Variants in CHN1 observed in about 807,000 individuals in gnomAD.
The protein encoded by CHN1 is N-chimaerin.
In CHN1, 37 loss-of-function variants were observed where a neutral mutation model predicts 59.5. The observed-to-expected ratio is 0.62, with a 90% CI of 0.48 to 0.82. The LOEUF (loss-of-function observed/expected upper bound fraction) is 0.82. CHN1 is among the 40% of genes least tolerant of loss of function. The pLI, the probability that CHN1 is intolerant of heterozygous loss-of-function variation, is 0.00. For synonymous variants in CHN1, 206 were observed against 200.4 expected (o/e 1.03, Z -0.24); for missense variants, 469 against 571.0 (o/e 0.82, Z 1.82).
chr2:174,817,108 C>T (rs1685296003), intron 8 of CHN1, among the ~76,000 whole-genome samples: 2 of 152,210 alleles, frequency 1.3e-5, no homozygotes, highest in African/African-American at 2.4e-5. Flanking sequence ...GTATACCATA[C>T]ACTACATCAT....
intron 1 of CHN1, among the ~76,000 whole-genome samples, chr2:174,981,311 G>A (rs1397001904): frequency 6.6e-6 from 1 of 152,152 alleles, no homozygotes; most frequent in Non-Finnish European, 1.5e-5. Context: ...CTATAAGCAG[G>A]TAAAATTATT....
chr2:174,984,019 CAG>C (rs1403921685), intron 1 of CHN1, among the ~76,000 whole-genome samples: 3 of 148,536 alleles, frequency 2.0e-5, no homozygotes, highest in Non-Finnish European at 4.5e-5. Flanking sequence ...TAAATCTAAA[CAG>C]AGAAAAAAAG....
rs996643545 is a variant in CHN1 at position 174,799,779 on chromosome 2, C to G, written c.*337G>C. ...TTACTCTGTGAAACATGCTGGATTA[C>G]AAGCACAGACTACCCAGGACGCAGA... is the stretch of plus-strand genomic sequence containing the variant. On this transcript the variant is annotated 3_prime_UTR_variant, in exon 13 of 13. Coordinates refer to ENST00000409900, the MANE Select transcript of CHN1 (RefSeq NM_001822.7). The G allele has an allele frequency of 4.6e-5, 25 of 542,492 alleles. No individual in the cohort carries two copies. Among genetic ancestry groups the G allele is most frequent in the African/African-American group, 4.4e-4 (24 of 54,322 alleles). 33.6% of individuals were successfully genotyped at this position (542,492 alleles called of 1,614,324 possible).
intron 2 of CHN1, among the ~76,000 whole-genome samples, 192 bp downstream of exon 2, chr2:174,951,972 A>G (rs964490859): frequency 6.6e-6 from 1 of 152,210 alleles, no homozygotes; most frequent in Non-Finnish European, 1.5e-5. Context: ...TTCCAGACGG[A>G]AAACCATATA....
intron 1 of CHN1, among the ~76,000 whole-genome samples, chr2:174,988,528 T>C (rs1208517959): frequency 2.0e-5 from 3 of 152,174 alleles, no homozygotes; most frequent in African/African-American, 7.2e-5. Context: ...AATATTTTTT[T>C]CTTAGTGCTT....
intron 8 of CHN1, among the ~76,000 whole-genome samples, chr2:174,813,887 C>T (rs1253963237): frequency 6.6e-6 from 1 of 152,098 alleles, no homozygotes; most frequent in Non-Finnish European, 1.5e-5. Flanking sequence ...ATTAATGAGC[C>T]AATGCATTCA....
At chr2:175,003,307 A>G (rs1393416317) in intron 1 of CHN1, among the ~76,000 whole-genome samples, 2 of 152,218 alleles carry the variant, frequency 1.3e-5, no homozygotes, top group African/African-American at 4.8e-5. Context: ...AAGATACATT[A>G]TTCATTTTGA....
chr2:174,912,172 A>T (rs963336367), intron 5 of CHN1, among the ~76,000 whole-genome samples: 4 of 152,240 alleles, frequency 2.6e-5, no homozygotes, highest in African/African-American at 9.6e-5. Flanking sequence ...AACACAAAAA[A>T]AGAAAATTAT....
At chr2:174,845,531 T>C (rs1052920123) in intron 7 of CHN1, among the ~76,000 whole-genome samples, 4 of 152,140 alleles carry the variant, frequency 2.6e-5, no homozygotes, top group Admixed American at 1.3e-4. Context: ...CTCTTTTCTA[T>C]CCGGTATTTA....
intron 5 of CHN1, among the ~76,000 whole-genome samples, chr2:174,907,418 G>T (rs1688571736): frequency 1.3e-5 from 2 of 152,166 alleles, no homozygotes; most frequent in African/African-American, 4.8e-5. Context: ...ACCTTGGATG[G>T]AACAGAGGCC....
chr2:174,802,133 G>A (rs1315719125), intron 11 of CHN1: 7 of 288,242 alleles, frequency 2.4e-5, no homozygotes, highest in Non-Finnish European at 2.0e-5. Flanking sequence ...AAATTCAGAC[G>A]TGTCGACACA....
intron 11 of CHN1, among the ~76,000 whole-genome samples, chr2:174,807,444 ATC>A (rs975789242): frequency 2.4e-4 from 22 of 90,324 alleles, no homozygotes; most frequent in African/African-American, 7.3e-4. Flanking sequence ...TTCACGGGCT[ATC>A]TGTGTGTGTG....
chr2:174,839,362 C>T (rs549851067), intron 7 of CHN1, among the ~76,000 whole-genome samples: 1 of 151,998 alleles, frequency 6.6e-6, no homozygotes, highest in South Asian at 2.1e-4. Context: ...GAAATCCTGC[C>T]GTATATGACA....
rs1389503828 is a variant in CHN1 at position 174,877,891 on chromosome 2, C to G, written c.498G>C (p.Glu166Asp). The G allele has an allele frequency of 1.9e-6, 3 of 1,613,780 alleles. No individual in the cohort carries two copies. The highest frequency in any genetic ancestry group is 1.3e-5 in the African/African-American group (1 of 75,034). Residue 166 changes from glutamate (E) to aspartate (D), a missense_variant, in exon 6 of 13, where the codon GAG (glutamate) becomes GAC (aspartate). Coordinates refer to ENST00000409900, the MANE Select transcript of CHN1 (RefSeq NM_001822.7). ...AYKKHMPVLKETHDERDSTGQ... is the reference protein window; with the variant it reads ...AYKKHMPVLKDTHDERDSTGQ... Reference sequence around the variant, plus strand: ...CTGTAGAATCTCTCTCATCATGTGTCTCTTTCAGGACTGGCATATGTTTTT... The same window carrying G: ...CTGTAGAATCTCTCTCATCATGTGTGTCTTTCAGGACTGGCATATGTTTTT...
chr2:174,846,487 C>T, intron 7 of CHN1: 2 of 1,440,136 alleles, frequency 1.4e-6, no homozygotes, highest in Non-Finnish European at 1.8e-6. Context: ...CAGCACATGC[C>T]TCTTATATCC....
intron 5 of CHN1, among the ~76,000 whole-genome samples, chr2:174,901,299 A>G (rs1246768140): frequency 1.3e-5 from 2 of 152,176 alleles, no homozygotes; most frequent in African/African-American, 2.4e-5. Flanking sequence ...CAGCCCTTGC[A>G]TGGACATGCT....
At chr2:174,912,842 C>CT in intron 5 of CHN1, among the ~76,000 whole-genome samples, 1 of 152,262 alleles carries the variant, frequency 6.6e-6, no homozygotes, top group Admixed American at 6.5e-5. Flanking sequence ...ATTACAGCCC[C>CT]TTTTTACTCA....
At chr2:175,004,574 G>T (rs992143085) in intron 1 of CHN1, among the ~76,000 whole-genome samples, 1 of 152,322 alleles carries the variant, frequency 6.6e-6, no homozygotes, top group South Asian at 2.1e-4. Flanking sequence ...AGGCAGGTTT[G>T]AAAACAACCA....
Position 174,846,919 on chromosome 2 carries a change from G to C in CHN1, c.588C>G (p.Asn196Lys), listed in dbSNP as rs146313212. Reference sequence around the variant, plus strand: ...TCTTTTCATATTTTGGAATTTGCTCGTTTTCTTTCAGAGTTGCTCTTCTAA... The same window carrying C: ...TCTTTTCATATTTTGGAATTTGCTCCTTTTCTTTCAGAGTTGCTCTTCTAA... The part of the protein sequence containing the change: ...SLVRRATLKE[N>K]EQIPKYEKIH... Residue 196 changes from asparagine (N) to lysine (K), a missense_variant, in exon 7 of 13, where the codon AAC (asparagine) becomes AAG (lysine). By Grantham distance (94) the Asn-to-Lys change is moderately conservative. Coordinates refer to ENST00000409900, the MANE Select transcript of CHN1 (RefSeq NM_001822.7). 2 of 1,552,602 alleles carry C rather than the reference G, an allele frequency of 1.3e-6. No homozygotes were observed. Among genetic ancestry groups the C allele is most frequent in the Non-Finnish European group, 8.7e-7 (1 of 1,147,242 alleles).
Sources: gnomAD v4.1 joint callset for allele counts (sites outside exome capture counted in the v4.1 genomes callset) on GRCh38, gnomAD v4.1.1 for gene constraint, MANE v1.5 for transcripts, NCBI Gene and HGNC (gene_info 2026-07-23, HGNC 2026-07-21) for gene names.